Variants in STAU2 observed in about 807,000 individuals in gnomAD.
STAU2 encodes staufen double-stranded RNA binding protein 2, also known as double-stranded RNA-binding protein Staufen homolog 2.
Under a neutral mutation model 65.9 loss-of-function variants are expected in STAU2, and 20 were observed. The observed-to-expected ratio is 0.30, with a 90% CI of 0.21 to 0.44. The LOEUF is 0.44. Among genes scored for constraint, STAU2 ranks in the 20% least tolerant of loss-of-function variants. The probability of loss-of-function intolerance (pLI) is 1.00; values close to 1 mark genes in which losing one functional copy is unlikely to be tolerated. For synonymous variants in STAU2, 232 were observed against 233.9 expected (o/e 0.99, Z 0.07); for missense variants, 558 against 683.9 (o/e 0.82, Z 2.05).
chr8:73,667,459 T>C (rs752591982), intron 6 of STAU2, among the ~76,000 whole-genome samples: 6 of 152,148 alleles, frequency 3.9e-5, no homozygotes, highest in Non-Finnish European at 8.8e-5. Context: ...TGAACTAAAC[T>C]TCTCAGGATT....
rs565374632 is a variant in STAU2 at position 73,609,458 on chromosome 8, C to T, written c.891+4286G>A. 1.3e-4 allele frequency among the ~76,000 whole-genome samples: 19 copies of T among 151,910 alleles called. 1 individual carries two copies. In the South Asian group the frequency reaches 4.0e-3, roughly 32 times the overall value. ...CATGAGGTCAGGAGATCAAGACCAGCCTGGCCAACATGGTTAAACACTGTC... is the reference window on the plus strand; with the variant it reads ...CATGAGGTCAGGAGATCAAGACCAGTCTGGCCAACATGGTTAAACACTGTC... On this transcript the variant is annotated intron_variant, in intron 9 of 14. Coordinates refer to ENST00000524300, the MANE Select transcript of STAU2 (RefSeq NM_001164380.2).
At chr8:73,704,106 GAGGCACATCCTAC>G (rs1377425207) in intron 4 of STAU2, among the ~76,000 whole-genome samples, 1 of 152,086 alleles carries the variant, frequency 6.6e-6, no homozygotes, top group East Asian at 1.9e-4. Context: ...ATGTATTCAA[GAGGCACATCCTAC>G]AGCTCAAAAT....
intron 12 of STAU2, among the ~76,000 whole-genome samples, chr8:73,581,209 G>T (rs1435265444): frequency 6.6e-6 from 1 of 152,022 alleles, no homozygotes; most frequent in African/African-American, 2.4e-5. Flanking sequence ...GAGCCTGCAG[G>T]TTATCTATAA....
At chr8:73,721,113 C>T (rs1319777147) in intron 3 of STAU2, among the ~76,000 whole-genome samples, 1 of 117,004 alleles carries the variant, frequency 8.5e-6, no homozygotes, top group African/African-American at 3.5e-5. Flanking sequence ...GATCCCAACA[C>T]TACAAAAAAA....
intron 13 of STAU2, among the ~76,000 whole-genome samples, chr8:73,496,219 A>G (rs561833289): frequency 5.3e-4 from 81 of 151,650 alleles, no homozygotes; most frequent in Non-Finnish European, 6.4e-4. Context: ...CATCAAAAAT[A>G]CACAAATTTG....
In STAU2 at chr8:73,664,329, T is replaced by C. The variant is rs189795158; in HGVS notation, c.410+8778A>G. ...ATGAGCCACCGTACCAGTCCTTAAG[T>C]ATAATGTTGAACAGAAGTGATAACA... On this transcript the variant is annotated intron_variant, in intron 6 of 14. Transcript: ENST00000524300. Among the ~76,000 whole-genome samples, 298 of 152,302 alleles carry C rather than the reference T, an allele frequency of 2.0e-3. 1 individual carries two copies. Among genetic ancestry groups the C allele is most frequent in the African/African-American group, 6.9e-3 (288 of 41,558 alleles).
chr8:73,595,045 C>G (rs1317229473), intron 11 of STAU2, 121 bp downstream of exon 11: 2 of 733,876 alleles, frequency 2.7e-6, no homozygotes, highest in African/African-American at 3.6e-5. Context: ...GATCATCTAT[C>G]TTTGTATTGC....
intron 6 of STAU2, among the ~76,000 whole-genome samples, chr8:73,647,569 A>G (rs917823993): frequency 6.6e-6 from 1 of 151,888 alleles, no homozygotes; most frequent in African/African-American, 2.4e-5. Flanking sequence ...TGGTGACAGA[A>G]TAATTCTGCA....
chr8:73,690,252 C>A (rs1819232909), intron 4 of STAU2, among the ~76,000 whole-genome samples: 1 of 147,068 alleles, frequency 6.8e-6, no homozygotes, highest in Non-Finnish European at 1.5e-5. Context: ...TGGCATGAAC[C>A]CAGGAAGCGG....
intron 13 of STAU2, among the ~76,000 whole-genome samples, chr8:73,502,446 C>T (rs1343098970): frequency 6.6e-6 from 1 of 151,952 alleles, no homozygotes; most frequent in East Asian, 1.9e-4. Context: ...CTGACCTGTA[C>T]CTCACATTCT....
intron 13 of STAU2, among the ~76,000 whole-genome samples, chr8:73,464,963 T>G (rs1819571132): frequency 6.6e-6 from 1 of 152,234 alleles, no homozygotes; most frequent in Admixed American, 6.5e-5. Context: ...CAATGGAGGA[T>G]GCCACCATTT....
chr8:73,694,004 T>C (rs1028586903), intron 4 of STAU2, among the ~76,000 whole-genome samples: 10 of 152,112 alleles, frequency 6.6e-5, no homozygotes, highest in African/African-American at 2.4e-4. Flanking sequence ...TTTAAAGTAA[T>C]GAGAAAAACA....
chr8:73,677,201 T>C (rs1818084908), intron 5 of STAU2, among the ~76,000 whole-genome samples: 1 of 152,126 alleles, frequency 6.6e-6, no homozygotes, highest in Admixed American at 6.5e-5. Context: ...CTCAGCATAA[T>C]AGCTAAAATT....
At chr8:73,654,936 C>G (rs898764807) in intron 6 of STAU2, among the ~76,000 whole-genome samples, 1 of 152,070 alleles carries the variant, frequency 6.6e-6, no homozygotes, top group African/African-American at 2.4e-5. Flanking sequence ...CTGCCCGTCT[C>G]GGCCTCCCAA....
intron 6 of STAU2, among the ~76,000 whole-genome samples, chr8:73,663,003 T>C (rs893505550): frequency 6.6e-6 from 1 of 152,186 alleles, no homozygotes; most frequent in African/African-American, 2.4e-5. Context: ...GCACCTTCAC[T>C]GGAATTAATT....
intron 3 of STAU2, among the ~76,000 whole-genome samples, chr8:73,738,047 A>G (rs1433298318): frequency 2.0e-5 from 3 of 151,890 alleles, no homozygotes; most frequent in Non-Finnish European, 4.4e-5. Flanking sequence ...TGACATCAAG[A>G]AGAACAGACA....
chr8:73,518,193 G>C lies in STAU2; in HGVS notation c.1530+33819C>G, dbSNP rs151256705. On this transcript the variant is annotated intron_variant, in intron 13 of 14. Coordinates refer to ENST00000524300, the MANE Select transcript of STAU2 (RefSeq NM_001164380.2). ...ATTATTCCTTCAGAAAATAAAATTG[G>C]TTTCCACTGTAAATAAATTCAAAAT... 4.4e-3 allele frequency among the ~76,000 whole-genome samples: 674 copies of C among 152,288 alleles called. 1 individual carries two copies. The highest frequency in any genetic ancestry group is 0.015 in the African/African-American group (615 of 41,560).
In STAU2 at chr8:73,471,402, G is replaced by A. The variant is rs370394675; in HGVS notation, c.1531-48700C>T. On this transcript the variant is annotated intron_variant, in intron 13 of 14. Coordinates refer to ENST00000524300, the MANE Select transcript of STAU2 (RefSeq NM_001164380.2). ...GGCGTTTTACTATGTTGCCCAGGCT[G>A]GTCTTAAACTCCTGGACTCAAGTGA... Among the ~76,000 whole-genome samples, 61 of 151,062 alleles carry A rather than the reference G, an allele frequency of 4.0e-4. 1 individual carries two copies. The South Asian group carries it at 0.012, about 29-fold the overall frequency.
intron 9 of STAU2, among the ~76,000 whole-genome samples, chr8:73,613,465 T>C (rs968235597): frequency 3.9e-5 from 6 of 152,206 alleles, no homozygotes; most frequent in Non-Finnish European, 7.3e-5. Context: ...TGAGGGGGAT[T>C]ATAGTAAAGG....
Sources: allele counts gnomAD v4.1 joint callset (sites outside exome capture counted in the v4.1 genomes callset), GRCh38; gene constraint gnomAD v4.1.1; transcripts MANE v1.5; gene names NCBI Gene and HGNC (gene_info 2026-07-23, HGNC 2026-07-21).